SNED1: variants seen among roughly 807,000 people sequenced by gnomAD.
The protein encoded by SNED1 is sushi, nidogen and EGF-like domain-containing protein 1.
Under a neutral mutation model 166.7 loss-of-function variants are expected in SNED1, and 81 were observed. The ratio of observed to expected loss-of-function variants is 0.49; its 90% CI spans 0.41 to 0.58. SNED1 has a LOEUF of 0.58. Among genes scored for constraint, SNED1 ranks in the 20% least tolerant of loss-of-function variants. The pLI is 0.00. For synonymous variants in SNED1, 762 were observed against 822.0 expected (o/e 0.93, Z 1.25); for missense variants, 1,604 against 2,000.2 (o/e 0.80, Z 3.78).
intron 4 of SNED1, among the ~76,000 whole-genome samples, chr2:241,036,364 C>T (rs2061369380): frequency 1.3e-5 from 2 of 152,034 alleles, no homozygotes; most frequent in Admixed American, 6.5e-5. Flanking sequence ...TCCTGCAGCC[C>T]CCAGCCACAC....
At chr2:241,090,998 A>C (rs1320739022) in intron 31 of SNED1, among the ~76,000 whole-genome samples, 2 of 152,222 alleles carry the variant, frequency 1.3e-5, no homozygotes, top group Non-Finnish European at 2.9e-5. Context: ...AGGATTAAGA[A>C]TCCACAAACA....
intron 29 of SNED1, among the ~76,000 whole-genome samples, chr2:241,085,860 C>CTTTTTTTTTTTTT (rs772995766): frequency 2.5e-5 from 2 of 79,190 alleles, no homozygotes; most frequent in Admixed American, 1.5e-4. Context: ...TCTGCGGTTT[C>CTTTTTTTTTTTTT]TTTTTTTTTT....
rs929063230 is a variant in SNED1, at chr2:241,018,078, G to A, written c.214-12206G>A. Among the ~76,000 whole-genome samples, 1 of 152,180 alleles carries A rather than the reference G, an allele frequency of 6.6e-6. No homozygotes were observed. The highest frequency in any genetic ancestry group is 1.5e-5 in the Non-Finnish European group (1 of 68,032). On this transcript the variant is annotated intron_variant, in intron 1 of 31. Transcript: ENST00000310397. The surrounding 1 kb of genome is among the most constrained non-coding windows in gnomAD (Gnocchi z 5.4). ...TTCCCGACTGGAGAGGCATTCCAAG[G>A]CTCACTCCCTCCCAGGTAACACGCA...
At chr2:241,062,233 C>T (rs1012700052) in intron 16 of SNED1, among the ~76,000 whole-genome samples, 4 of 152,144 alleles carry the variant, frequency 2.6e-5, no homozygotes, top group South Asian at 2.1e-4. Flanking sequence ...GGTACACGGT[C>T]GGATGAGCCC....
At chr2:241,025,989 G>T in intron 1 of SNED1, among the ~76,000 whole-genome samples, 1 of 135,252 alleles carries the variant, frequency 7.4e-6, no homozygotes, top group South Asian at 2.5e-4. Context: ...ATTTGTTGAT[G>T]TGGCTTTGTT....
At position 241,064,118 on chromosome 2, in the gene SNED1, CGAG is replaced by C; in HGVS notation, c.2593_2595del (p.Glu865del). On this transcript the variant is annotated inframe_deletion, in exon 19 of 32. Coordinates refer to ENST00000310397, the MANE Select transcript of SNED1 (RefSeq NM_001080437.3). This position sits in a 1 kb window ranked among gnomAD's most constrained non-coding sequence, Gnocchi z 7.0. ...CAGAGAGCTTCTTCGGCTACCACTG[CGAG>C]ACAGGTAGGGCGGCAGGCCTGCCTG... 6.4e-7 allele frequency: 1 copy of C among 1,557,300 alleles called. No homozygotes were observed.
intron 1 of SNED1, among the ~76,000 whole-genome samples, chr2:241,002,932 C>G (rs945679552): frequency 6.6e-6 from 1 of 152,034 alleles, no homozygotes; most frequent in Non-Finnish European, 1.5e-5. Context: ...ACTTGGACCA[C>G]TTCCCAGCTG....
chr2:241,087,420 G>A lies in SNED1; in HGVS notation c.4150G>A (p.Asp1384Asn). ...TAAAAGAGTCTACCGAGTTCACCAA[G>A]ACATCTGCTTCAAAGAGAGCTGTGA... is the stretch of plus-strand genomic sequence containing the variant. ...VYKRVYRVHQ[D>N]ICFKESCEST... Residue 1384 changes from aspartate (D) to asparagine (N), a missense_variant, in exon 30 of 32, where the codon GAC (aspartate) becomes AAC (asparagine). Transcript: ENST00000310397. 1.2e-6 allele frequency: 2 copies of A among 1,603,994 alleles called. No homozygotes were observed. The highest frequency in any genetic ancestry group is 2.2e-5 in the South Asian group (2 of 88,960).
chr2:241,082,739 C>T (rs1399395902), intron 29 of SNED1, among the ~76,000 whole-genome samples: 3 of 152,222 alleles, frequency 2.0e-5, no homozygotes, highest in Non-Finnish European at 2.9e-5. Flanking sequence ...ATGAGAATGC[C>T]GGCCCCAGTT....
At chr2:241,021,885 C>T (rs1452269875) in intron 1 of SNED1, among the ~76,000 whole-genome samples, 1 of 152,096 alleles carries the variant, frequency 6.6e-6, no homozygotes, top group East Asian at 1.9e-4. Context: ...TTTTATATTC[C>T]ACTAGCAATG....
rs1215399300 is a variant in SNED1 at position 241,075,225 on chromosome 2, A to T, written c.3916+1861A>T. 6.6e-6 allele frequency: 1 copy of T among 152,178 alleles called. No individual in the cohort carries two copies. The highest frequency in any genetic ancestry group is 6.6e-5 in the Admixed American group (1 of 15,258). 9.4% of individuals were successfully genotyped at this position (152,178 alleles called of 1,614,324 possible). Reference sequence around the variant, plus strand: ...GTGGATGTTCCTGTACAGGTTTTCCAGTACGTGTGCGGGAGTGGAAAAGCT... The same window carrying T: ...GTGGATGTTCCTGTACAGGTTTTCCTGTACGTGTGCGGGAGTGGAAAAGCT... On this transcript the variant is annotated intron_variant, in intron 27 of 31. Transcript: ENST00000310397. The surrounding 1 kb of genome is among the most constrained non-coding windows in gnomAD (Gnocchi z 4.8).
chr2:241,094,467 G>C lies in SNED1; in HGVS notation c.*2831G>C, dbSNP rs1394332129. The C allele has an allele frequency of 2.1e-6, 1 of 466,790 alleles. No individual in the cohort carries two copies. Among genetic ancestry groups the C allele is most frequent in the South Asian group, 1.6e-5 (1 of 63,866 alleles). The allele number at this position is 466,790 out of a possible 1,614,324, so 28.9% of individuals were successfully genotyped here. On this transcript the variant is annotated 3_prime_UTR_variant, in exon 32 of 32. Transcript: ENST00000310397. The surrounding 1 kb of genome is among the most constrained non-coding windows in gnomAD (Gnocchi z 4.3). ...ACAAAAGCACCTAGATTTCAGTGCT[G>C]AATCCCCACAATTGCATGCAGCTCA...
At chr2:241,048,814 A>C in intron 10 of SNED1, 48 bp downstream of exon 10, 1 of 1,464,370 alleles carries the variant, frequency 6.8e-7, no homozygotes, top group Non-Finnish European at 9.4e-7. Flanking sequence ...GCATCCTCAT[A>C]ATCGGGAAAT....
intron 8 of SNED1, among the ~76,000 whole-genome samples, chr2:241,047,489 T>G (rs2125077017): frequency 1.3e-5 from 2 of 152,324 alleles, no homozygotes; most frequent in East Asian, 3.9e-4. Flanking sequence ...CTTGGCCTAC[T>G]TGGCATTTAT....
rs2060675772 is a variant in SNED1 at position 241,018,662 on chromosome 2, G to T, written c.214-11622G>T. On this transcript the variant is annotated intron_variant, in intron 1 of 31. Transcript: ENST00000310397. This position sits in a 1 kb window ranked among gnomAD's most constrained non-coding sequence, Gnocchi z 5.4. Reference sequence around the variant, plus strand: ...GCACAAGGCCAGCAGGAGCACCCGTGTGAGAGCCACAGAGACGCCCTGCTC... The same window carrying T: ...GCACAAGGCCAGCAGGAGCACCCGTTTGAGAGCCACAGAGACGCCCTGCTC... 6.6e-6 allele frequency among the ~76,000 whole-genome samples: 1 copy of T among 152,296 alleles called. No homozygotes were observed. The highest frequency in any genetic ancestry group is 1.5e-5 in the Non-Finnish European group (1 of 68,024).
intron 24 of SNED1, chr2:241,071,361 G>A (rs1559295341): frequency 1.5e-5 from 9 of 605,680 alleles, no homozygotes; most frequent in Non-Finnish European, 2.4e-5. Context: ...GCTGCGCATG[G>A]CTCCTCCTCA....
At position 241,075,508 on chromosome 2, in the gene SNED1, G is replaced by C. The variant is rs190477169; in HGVS notation, c.3916+2144G>C. 2 of 152,334 alleles carry C rather than the reference G, an allele frequency of 1.3e-5. No individual in the cohort carries two copies. Among genetic ancestry groups the C allele is most frequent in the East Asian group, 3.9e-4 (2 of 5,182 alleles). 9.4% of individuals were successfully genotyped at this position (152,334 alleles called of 1,614,324 possible). A position where few individuals can be genotyped will look rare whatever the true frequency, so the allele number is the denominator to read the frequency against. On this transcript the variant is annotated intron_variant, in intron 27 of 31. Transcript: ENST00000310397. The surrounding 1 kb of genome is among the most constrained non-coding windows in gnomAD (Gnocchi z 4.8). ...TCATGGGCATCCACCAAAGGTGTTT[G>C]CTTCTGTGAAATGCCTGATCACGCC...
In SNED1 at chr2:241,081,659, C is replaced by T. The variant is rs777889552; in HGVS notation, c.3917-18C>T. 6.4e-6 allele frequency: 10 copies of T among 1,559,764 alleles called. No homozygotes were observed. The highest frequency in any genetic ancestry group is 1.4e-5 in the African/African-American group (1 of 73,866). ...CCTGGGGTTCCAGTGACTAACCTCT[C>T]GTGACCTCTGTTTCCAGACGTCCCT... is the stretch of plus-strand genomic sequence containing the variant. On this transcript the variant is annotated intron_variant, in intron 27 of 31. Transcript: ENST00000310397.
intron 27 of SNED1, among the ~76,000 whole-genome samples, chr2:241,077,715 G>T (rs1209259182): frequency 6.6e-6 from 1 of 152,192 alleles, no homozygotes; most frequent in Non-Finnish European, 1.5e-5. Flanking sequence ...CTGCAAGGAA[G>T]ATATGCAAAT....
Sources: gnomAD v4.1 joint callset for allele counts (sites outside exome capture counted in the v4.1 genomes callset) on GRCh38, gnomAD v4.1.1 for gene constraint, Gnocchi (gnomAD v3.1) non-coding constraint, MANE v1.5 for transcripts, NCBI Gene and HGNC (gene_info 2026-07-23, HGNC 2026-07-21) for gene names.